Variants in ITGA6 observed in about 807,000 individuals in gnomAD.
ITGA6 encodes integrin subunit alpha 6.
ITGA6 carries 63 observed loss-of-function variants against 133.6 expected under a neutral mutation model. That is an observed-to-expected ratio of 0.47 (90% CI 0.38 to 0.58). The LOEUF (loss-of-function observed/expected upper bound fraction) is 0.58, where lower values mean the gene tolerates loss of function less well. Among genes scored for constraint, ITGA6 ranks in the 20% least tolerant of loss-of-function variants. The probability of loss-of-function intolerance (pLI) is 0.00; values close to 1 mark genes in which losing one functional copy is unlikely to be tolerated. For missense variants in ITGA6, 1,068 were observed against 1,309.4 expected, an observed-to-expected ratio of 0.82 and a Z score of 2.85; for synonymous variants, 434 against 482.0, an observed-to-expected ratio of 0.90 and a Z score of 1.30.
chr2:172,433,391 G>A (rs1684186552), intron 1 of ITGA6, among the ~76,000 whole-genome samples: 1 of 152,174 alleles, frequency 6.6e-6, no homozygotes, highest in African/African-American at 2.4e-5. Flanking sequence ...TACACAGAAG[G>A]CAGAGTGTAA....
chr2:172,442,048 A>G (rs1684565956), intron 1 of ITGA6, among the ~76,000 whole-genome samples: 1 of 152,234 alleles, frequency 6.6e-6, no homozygotes, highest in Non-Finnish European at 1.5e-5. Flanking sequence ...CTCAGATGAT[A>G]AACATTTCTC....
chr2:172,472,749 T>G (rs1423658946), intron 5 of ITGA6: 4 of 1,444,162 alleles, frequency 2.8e-6, no homozygotes, highest in Non-Finnish European at 3.9e-6. Flanking sequence ...TTCTTCAATT[T>G]CTTCCGTCCC....
intron 1 of ITGA6, among the ~76,000 whole-genome samples, chr2:172,436,339 T>C (rs1274285969): frequency 6.6e-6 from 1 of 152,222 alleles, no homozygotes; most frequent in Non-Finnish European, 1.5e-5. Context: ...TTTCAGATAC[T>C]GTATCAGATA....
At chr2:172,485,399 G>A (rs564473168) in intron 13 of ITGA6, 135 bp downstream of exon 13, 18 of 824,306 alleles carry the variant, frequency 2.2e-5, no homozygotes, top group South Asian at 1.3e-4. Flanking sequence ...TTTAATGTAC[G>A]CAAAGTTAGA....
At chr2:172,445,351 T>G in intron 1 of ITGA6, among the ~76,000 whole-genome samples, 1 of 134,728 alleles carries the variant, frequency 7.4e-6, no homozygotes, top group African/African-American at 2.7e-5. Flanking sequence ...TTTTTTTTTT[T>G]AACAAAAAAA....
At chr2:172,467,652 C>G in intron 3 of ITGA6, 92 bp downstream of exon 3, 1 of 995,590 alleles carries the variant, frequency 1.0e-6, no homozygotes, top group African/African-American at 1.6e-5. Flanking sequence ...AGGGAGCATA[C>G]ATTCTAGCGA....
At chr2:172,503,365 G>T (rs556119894) in intron 25 of ITGA6, 138 of 152,074 alleles carry the variant, frequency 9.1e-4, no homozygotes, top group African/African-American at 3.1e-3. Context: ...ACAGTTTAAA[G>T]GTAAATGTAT....
At chr2:172,476,152 C>T (rs1193386152) in intron 8 of ITGA6, among the ~76,000 whole-genome samples, 1 of 152,132 alleles carries the variant, frequency 6.6e-6, no homozygotes, top group Non-Finnish European at 1.5e-5. Context: ...ATACAATAAA[C>T]AAGCTCATCA....
At chr2:172,447,560 C>G (rs1684817836) in intron 1 of ITGA6, among the ~76,000 whole-genome samples, 1 of 152,176 alleles carries the variant, frequency 6.6e-6, no homozygotes, top group Non-Finnish European at 1.5e-5. Context: ...TTACAAATTT[C>G]TGTTGAAGTG....
chr2:172,499,179 T>C (rs555942893), intron 24 of ITGA6, among the ~76,000 whole-genome samples: 5 of 152,200 alleles, frequency 3.3e-5, no homozygotes, highest in African/African-American at 4.8e-5. Flanking sequence ...TTTTTTTGAC[T>C]GACTTTTGCA....
intron 1 of ITGA6, among the ~76,000 whole-genome samples, chr2:172,447,859 G>A (rs533086530): frequency 3.9e-5 from 6 of 152,214 alleles, no homozygotes; most frequent in East Asian, 3.9e-4. Context: ...CCCCCGGTAC[G>A]TGGTAAAGAC....
intron 24 of ITGA6, 145 bp downstream of exon 24, chr2:172,498,245 G>A: frequency 1.3e-6 from 1 of 763,292 alleles, no homozygotes. Flanking sequence ...CAAATTTGAG[G>A]AAAATTTTAC....
intron 1 of ITGA6, among the ~76,000 whole-genome samples, chr2:172,457,520 T>TA (rs1209101001): frequency 1.3e-5 from 2 of 152,224 alleles, no homozygotes; most frequent in Non-Finnish European, 2.9e-5. Flanking sequence ...AAATTATTTT[T>TA]AAATGAATGT....
Position 172,504,127 on chromosome 2 carries a change from G to A in ITGA6, c.*59G>A. 2 of 1,600,424 alleles carry A rather than the reference G, an allele frequency of 1.2e-6. No individual in the cohort carries two copies. Among genetic ancestry groups the A allele is most frequent in the Non-Finnish European group, 1.7e-6 (2 of 1,172,914 alleles). ...TAAACGCTCTAGGTACGATGACAGTGTTCCCCGATACCATGCTGTAAGGAT... is the reference window on the plus strand; with the variant it reads ...TAAACGCTCTAGGTACGATGACAGTATTCCCCGATACCATGCTGTAAGGAT... On this transcript the variant is annotated 3_prime_UTR_variant, in exon 26 of 26. Coordinates refer to ENST00000684293, the MANE Select transcript of ITGA6 (RefSeq NM_000210.4).
rs140126848 is a variant in ITGA6, at chr2:172,491,781, A to G, written c.2988+258A>G. Among the ~76,000 whole-genome samples, 515 of 152,228 alleles carry G rather than the reference A, an allele frequency of 3.4e-3. 3 individuals carry two copies. Among genetic ancestry groups the G allele is most frequent in the African/African-American group, 0.012 (485 of 41,538 alleles). On this transcript the variant is annotated intron_variant, in intron 23 of 25. Transcript: ENST00000684293. This position sits in a 1 kb window ranked among gnomAD's most constrained non-coding sequence, Gnocchi z 4.4. ...CTGGCTCAATTCAGAGAATGGGTGC[A>G]CCTCACAGCCCTCTAGAAACCTGTG...
intron 23 of ITGA6, among the ~76,000 whole-genome samples, chr2:172,493,844 G>A (rs1255629945): frequency 6.6e-6 from 1 of 152,160 alleles, no homozygotes; most frequent in Non-Finnish European, 1.5e-5. Context: ...TGGAACTCTG[G>A]GGGCCCTGGT....
chr2:172,479,627 C>A lies in ITGA6; in HGVS notation c.1389-14C>A, dbSNP rs1391327432. On this transcript the variant is annotated splice_polypyrimidine_tract_variant and intron_variant, in intron 9 of 25. Transcript: ENST00000684293. ...ACAGAGGCTGAGCTTGTTTTTCACT[C>A]CTTTTGTCTTCAGATCCCGGCCTGT... 1 of 1,608,410 alleles carries A rather than the reference C, an allele frequency of 6.2e-7. No individual in the cohort carries two copies. Among genetic ancestry groups the A allele is most frequent in the Non-Finnish European group, 8.5e-7 (1 of 1,174,836 alleles).
upstream of ITGA6, chr2:172,427,355 A>G: frequency 1.0e-6 from 1 of 1,002,170 alleles, no homozygotes; most frequent in Admixed American, 6.1e-5. Flanking sequence ...GGCAACCACA[A>G]TTCTGTCCAC....
At chr2:172,440,739 G>C (rs1684505370) in intron 1 of ITGA6, among the ~76,000 whole-genome samples, 1 of 152,202 alleles carries the variant, frequency 6.6e-6, no homozygotes, top group South Asian at 2.1e-4. Context: ...AACAGCCTTT[G>C]AGAAACCAAG....
Sources: allele counts gnomAD v4.1 joint callset (sites outside exome capture counted in the v4.1 genomes callset), GRCh38; gene constraint gnomAD v4.1.1; non-coding constraint Gnocchi (gnomAD v3.1); transcripts MANE v1.5; gene names NCBI Gene and HGNC (gene_info 2026-07-23, HGNC 2026-07-21).